The following ARL6IP1 variants were observed in gnomAD, a reference collection of about 807,000 sequenced individuals.
ARL6IP1 encodes ADP-ribosylation factor-like protein 6-interacting protein 1.
A neutral mutation model predicts 30.1 loss-of-function variants in ARL6IP1; 16 were observed. The observed-to-expected ratio is 0.53, with a 90% CI of 0.36 to 0.81. The LOEUF (loss-of-function observed/expected upper bound fraction) is 0.81. ARL6IP1 is among the 30% of genes least tolerant of loss of function. The probability of loss-of-function intolerance (pLI) is 0.01; values close to 1 mark genes in which losing one functional copy is unlikely to be tolerated. For missense variants in ARL6IP1, 173 were observed against 242.7 expected, an observed-to-expected ratio of 0.71 and a Z score of 1.91; for synonymous variants, 72 against 84.8, an observed-to-expected ratio of 0.85 and a Z score of 0.83.
chr16:18,793,580 C>T (rs1020099583), intron 5 of ARL6IP1, among the ~76,000 whole-genome samples: 5 of 150,372 alleles, frequency 3.3e-5, no homozygotes, highest in Non-Finnish European at 5.9e-5. Context: ...TACAGGCATG[C>T]GCCACTACGC....
intron 1 of ARL6IP1, among the ~76,000 whole-genome samples, chr16:18,800,583 T>C (rs907292184): frequency 1.1e-4 from 17 of 152,210 alleles, no homozygotes; most frequent in Admixed American, 3.9e-4. Context: ...AGTCACGTCA[T>C]TGGCCAGCGT....
intron 1 of ARL6IP1, among the ~76,000 whole-genome samples, chr16:18,800,278 C>G (rs1364243872): frequency 3.9e-5 from 6 of 152,102 alleles, no homozygotes; most frequent in Admixed American, 2.0e-4. Context: ...CCCATTTTAC[C>G]AAGGAGGAAA....
intron 1 of ARL6IP1, 70 bp downstream of exon 1, chr16:18,801,361 C>A: frequency 6.3e-7 from 1 of 1,593,050 alleles, no homozygotes; most frequent in Non-Finnish European, 8.5e-7. Context: ...GGGACGAGGC[C>A]GCGGTGTTTG....
At chr16:18,797,771 C>A in intron 3 of ARL6IP1, 154 bp downstream of exon 3, 1 of 908,822 alleles carries the variant, frequency 1.1e-6, no homozygotes, top group East Asian at 2.7e-5. Context: ...ATATTCAAAT[C>A]AGTTACAATA....
At position 18,792,004 on chromosome 16, in the gene ARL6IP1, TC is replaced by T. The variant is rs2030083448; in HGVS notation, c.*1247del. 1 of 152,630 alleles carries T rather than the reference TC, an allele frequency of 6.6e-6. No individual in the cohort carries two copies. Among genetic ancestry groups the T allele is most frequent in the African/African-American group, 2.4e-5 (1 of 41,452 alleles). 9.5% of individuals were successfully genotyped at this position (152,630 alleles called of 1,614,324 possible). On this transcript the variant is annotated 3_prime_UTR_variant, in exon 6 of 6. Coordinates refer to ENST00000304414, the MANE Select transcript of ARL6IP1 (RefSeq NM_015161.3). Reference sequence around the variant, plus strand: ...ACAAAACTATATTACAGCTAGTTAATCAGTTTAAGAATTGTTCCCGTCAGTC... The same window carrying T: ...ACAAAACTATATTACAGCTAGTTAATAGTTTAAGAATTGTTCCCGTCAGTC...
In ARL6IP1 at chr16:18,801,510, A is replaced by C. The variant is rs112185264; in HGVS notation, c.-44T>G. ...TCTACAAGCGCAGGCCACCTCCCCA[A>C]CGAGTCCTCCAACCGAAACCCGCAC... is the stretch of plus-strand genomic sequence containing the variant. On this transcript the variant is annotated 5_prime_UTR_variant, in exon 1 of 6. Transcript: ENST00000304414. 9 of 1,603,830 alleles carry C rather than the reference A, an allele frequency of 5.6e-6. No individual in the cohort carries two copies. The highest frequency in any genetic ancestry group is 7.7e-6 in the Non-Finnish European group (9 of 1,176,246).
chr16:18,798,107 C>G, intron 2 of ARL6IP1, 63 bp from the exon 3 acceptor site: 1 of 1,422,978 alleles, frequency 7.0e-7, no homozygotes, highest in Non-Finnish European at 9.5e-7. Flanking sequence ...CTAAACATGT[C>G]TAACTTAACT....
At chr16:18,794,852 G>C (rs1306728110) in intron 4 of ARL6IP1, among the ~76,000 whole-genome samples, 169 bp from the exon 5 acceptor site, 1 of 151,906 alleles carries the variant, frequency 6.6e-6, no homozygotes, top group African/African-American at 2.4e-5. Context: ...TATTCCATTG[G>C]ATCTACTTTA....
intron 3 of ARL6IP1, among the ~76,000 whole-genome samples, chr16:18,796,716 G>A (rs2141871163): frequency 6.6e-6 from 1 of 152,340 alleles, no homozygotes; most frequent in Non-Finnish European, 1.5e-5. Context: ...AATTTGGACA[G>A]TTCCTAACAC....
In ARL6IP1 at chr16:18,798,847, G is replaced by A. The variant is rs757708172; in HGVS notation, c.37-13C>T. The A allele has an allele frequency of 1.2e-6, 2 of 1,607,178 alleles. No individual in the cohort carries two copies. The highest frequency in any genetic ancestry group is 1.3e-5 in the African/African-American group (1 of 74,654). ...CAGTCTCTGCAGCCTAAATACCACC[G>A]ACATTTAAAGTGATCATTTTACCAC... On this transcript the variant is annotated splice_polypyrimidine_tract_variant and intron_variant, in intron 1 of 5. Coordinates refer to ENST00000304414, the MANE Select transcript of ARL6IP1 (RefSeq NM_015161.3).
rs1434552613 is a variant in ARL6IP1 at position 18,798,123 on chromosome 16, C to T, written c.171-79G>A. The T allele has an allele frequency of 6.0e-6, 8 of 1,328,534 alleles. No homozygotes were observed. In the Admixed American group the frequency reaches 7.9e-5, roughly 13 times the overall value. The allele number at this position is 1,328,534 out of a possible 1,614,324, so 82.3% of individuals were successfully genotyped here. On this transcript the variant is annotated intron_variant, in intron 2 of 5. Coordinates refer to ENST00000304414, the MANE Select transcript of ARL6IP1 (RefSeq NM_015161.3). ...TAAACATGTCTAACTTAACTATTCA[C>T]TTAACTATTCACCGCCTCTCAGAGA...
chr16:18,793,396 T>C (rs1567290717), intron 5 of ARL6IP1, 26 bp from the exon 6 acceptor site: 1 of 1,348,848 alleles, frequency 7.4e-7, no homozygotes, highest in South Asian at 1.3e-5. Context: ...AACCCAACAT[T>C]AAGGAGGCAG....
chr16:18,793,430 A>C (rs1596943377), intron 5 of ARL6IP1, 60 bp from the exon 6 acceptor site: 6 of 897,264 alleles, frequency 6.7e-6, no homozygotes, highest in East Asian at 2.9e-5. Context: ...AAAGGTTATT[A>C]CTTTTTTTTT....
chr16:18,793,245 A>T lies in ARL6IP1; in HGVS notation c.*7T>A. 6.3e-7 allele frequency: 1 copy of T among 1,579,770 alleles called. No homozygotes were observed. The highest frequency in any genetic ancestry group is 8.7e-7 in the Non-Finnish European group (1 of 1,150,958). On this transcript the variant is annotated 3_prime_UTR_variant, in exon 6 of 6. Transcript: ENST00000304414. ...CTGCATTAATCACACTGATTAAAGC[A>T]GATGAATCATTCGTTTTTCTTTTCT...
At chr16:18,799,559 C>T (rs1414920078) in intron 1 of ARL6IP1, among the ~76,000 whole-genome samples, 2 of 152,000 alleles carry the variant, frequency 1.3e-5, no homozygotes, top group South Asian at 2.1e-4. Flanking sequence ...AGAATTGATC[C>T]GTTGTTTTTG....
At position 18,794,587 on chromosome 16, in the gene ARL6IP1, T is replaced by C. The variant is rs752957754; in HGVS notation, c.493+12A>G. 2.5e-6 allele frequency: 4 copies of C among 1,609,310 alleles called. No individual in the cohort carries two copies. Among genetic ancestry groups the C allele is most frequent in the African/African-American group, 1.3e-5 (1 of 74,936 alleles). On this transcript the variant is annotated intron_variant, in intron 5 of 5. Coordinates refer to ENST00000304414, the MANE Select transcript of ARL6IP1 (RefSeq NM_015161.3). ...GCCAGGATGTGCCTGTAGTTTTTCC[T>C]CAAAGACTTACCTATCAGGTAGGTG... is the stretch of plus-strand genomic sequence containing the variant.
rs1308667148 is a variant in ARL6IP1, at chr16:18,798,622, TC to T, written c.170+78del. 4 of 1,485,370 alleles carry T rather than the reference TC, an allele frequency of 2.7e-6. No homozygotes were observed. The East Asian group carries it at 6.9e-5, about 26-fold the overall frequency. The allele number at this position is 1,485,370 out of a possible 1,614,324, so 92.0% of individuals were successfully genotyped here. ...ATATATTACAGAAGACTTAAGGCAC[TC>T]CCACAAACAGAAGCTATATATTAAA... On this transcript the variant is annotated intron_variant, in intron 2 of 5. Coordinates refer to ENST00000304414, the MANE Select transcript of ARL6IP1 (RefSeq NM_015161.3).
chr16:18,799,122 C>T (rs2030330431), intron 1 of ARL6IP1, among the ~76,000 whole-genome samples: 2 of 151,890 alleles, frequency 1.3e-5, no homozygotes, highest in Admixed American at 6.6e-5. Flanking sequence ...TGGGTTCAAG[C>T]GATTCTCCTA....
At chr16:18,797,697 A>T in intron 3 of ARL6IP1, 1 of 394,562 alleles carries the variant, frequency 2.5e-6, no homozygotes. Context: ...TATCAATGGA[A>T]ATGTAAAAAT....
Sources: allele counts gnomAD v4.1 joint callset (sites outside exome capture counted in the v4.1 genomes callset), GRCh38; gene constraint gnomAD v4.1.1; transcripts MANE v1.5; gene names NCBI Gene and HGNC (gene_info 2026-07-23, HGNC 2026-07-21).